Variants in PIGK observed in about 807,000 individuals in gnomAD.
PIGK encodes GPI-anchor transamidase.
Under a neutral mutation model 50.6 loss-of-function variants are expected in PIGK, and 42 were observed. The observed-to-expected ratio is 0.83, with a 90% CI of 0.65 to 1.07. The LOEUF is 1.07. PIGK is among the 50% of genes least tolerant of loss of function. The pLI, the probability that PIGK is intolerant of heterozygous loss-of-function variation, is 0.00. For synonymous variants in PIGK, 151 were observed against 156.0 expected (o/e 0.97, Z 0.24); for missense variants, 448 against 488.7 (o/e 0.92, Z 0.78).
chr1:77,216,026 T>C (rs572448355), intron 1 of PIGK, among the ~76,000 whole-genome samples: 3 of 152,282 alleles, frequency 2.0e-5, no homozygotes, highest in Admixed American at 1.3e-4. Context: ...TATAGCACTT[T>C]AGAGTAACTA....
chr1:77,162,610 C>T (rs1655153702), intron 6 of PIGK, among the ~76,000 whole-genome samples: 2 of 152,076 alleles, frequency 1.3e-5, no homozygotes, highest in South Asian at 4.1e-4. Context: ...GTATCCATTG[C>T]ACAATAAGCT....
At chr1:77,110,377 A>C (rs1003777231) in intron 10 of PIGK, among the ~76,000 whole-genome samples, 3 of 152,264 alleles carry the variant, frequency 2.0e-5, no homozygotes, top group East Asian at 1.9e-4. Flanking sequence ...AGGCTACAGT[A>C]ACCAAAACAG....
chr1:77,153,503 A>T (rs1420662117), intron 9 of PIGK: 1 of 152,184 alleles, frequency 6.6e-6, no homozygotes, highest in Non-Finnish European at 1.5e-5. Flanking sequence ...TAATGTACCC[A>T]ACACAAAGAA....
At chr1:77,132,477 A>G (rs1010780773) in intron 9 of PIGK, among the ~76,000 whole-genome samples, 3 of 152,016 alleles carry the variant, frequency 2.0e-5, no homozygotes, top group South Asian at 2.1e-4. Context: ...CATTTCTTCA[A>G]TAATAGTAGT....
chr1:77,121,416 A>G (rs1422452364), intron 10 of PIGK, among the ~76,000 whole-genome samples: 3 of 152,190 alleles, frequency 2.0e-5, no homozygotes, highest in Non-Finnish European at 4.4e-5. Context: ...TATAGCCAAC[A>G]TTTTAAAGTA....
At chr1:77,135,809 A>C (rs576059568) in intron 9 of PIGK, among the ~76,000 whole-genome samples, 3 of 151,712 alleles carry the variant, frequency 2.0e-5, no homozygotes, top group African/African-American at 7.2e-5. Flanking sequence ...AAAAAAGCTG[A>C]AACTCCAGAA....
At position 77,171,129 on chromosome 1, in the gene PIGK, A is replaced by G. The variant is rs183962930; in HGVS notation, c.240-1734T>C. 1.1e-4 allele frequency among the ~76,000 whole-genome samples: 17 copies of G among 152,250 alleles called. No homozygotes were observed. The East Asian group carries it at 3.3e-3, about 29-fold the overall frequency. On this transcript the variant is annotated intron_variant, in intron 3 of 10. Coordinates refer to ENST00000370812, the MANE Select transcript of PIGK (RefSeq NM_005482.3). ...TAAACAAGACTGAATTGACCTCCAA[A>G]TGGCAATATAAAAATGAATATTTCT...
At chr1:77,194,843 T>C (rs1475507452) in intron 3 of PIGK, 4 of 387,238 alleles carry the variant, frequency 1.0e-5, no homozygotes, top group South Asian at 8.4e-5. Context: ...ATCAAGATTC[T>C]GGGCACTGAG....
intron 3 of PIGK, among the ~76,000 whole-genome samples, chr1:77,192,134 C>CAA (rs563797637): frequency 7.4e-6 from 1 of 134,420 alleles, no homozygotes. Flanking sequence ...GACCCTGTCT[C>CAA]AAAAAAAAAA....
chr1:77,166,669 CAA>C (rs765986553), intron 5 of PIGK, 48 bp downstream of exon 5: 2 of 887,310 alleles, frequency 2.3e-6, no homozygotes, highest in South Asian at 1.7e-5. Flanking sequence ...CCTTTCTTTT[CAA>C]AGAGTTTCAA....
chr1:77,137,689 C>T lies in PIGK; in HGVS notation c.987-15330G>A, dbSNP rs543889450. Among the ~76,000 whole-genome samples the T allele has an allele frequency of 5.7e-4, 87 of 152,180 alleles. 1 individual carries two copies. The highest frequency in any genetic ancestry group is 7.7e-4 in the African/African-American group (32 of 41,518). On this transcript the variant is annotated intron_variant, in intron 9 of 10. Coordinates refer to ENST00000370812, the MANE Select transcript of PIGK (RefSeq NM_005482.3). ...TCTTGGTTTGGCTCACTGCAACCTC[C>T]GCCTCCTGGATTCCAGCAATCCTCC...
intron 1 of PIGK, among the ~76,000 whole-genome samples, chr1:77,213,790 C>T (rs1011786047): frequency 2.6e-5 from 4 of 152,122 alleles, no homozygotes; most frequent in Admixed American, 1.3e-4. Flanking sequence ...ATCAACAAAC[C>T]TTTAGCCAAA....
chr1:77,139,632 C>T (rs1337134607), intron 9 of PIGK, among the ~76,000 whole-genome samples: 1 of 152,152 alleles, frequency 6.6e-6, no homozygotes, highest in African/African-American at 2.4e-5. Flanking sequence ...TAGTCCTTAC[C>T]ACTGAATGAG....
At chr1:77,213,452 C>T (rs1290648881) in intron 1 of PIGK, among the ~76,000 whole-genome samples, 5 of 152,050 alleles carry the variant, frequency 3.3e-5, no homozygotes, top group African/African-American at 9.7e-5. Context: ...TTAAACAACA[C>T]GCTCCTGAAC....
intron 3 of PIGK, among the ~76,000 whole-genome samples, chr1:77,185,107 T>C (rs1471348743): frequency 6.6e-6 from 1 of 152,218 alleles, no homozygotes; most frequent in Non-Finnish European, 1.5e-5. Flanking sequence ...CATCTCCTGG[T>C]ACCTGGTATG....
Position 77,161,361 on chromosome 1 carries a change from G to A in PIGK, c.747C>T (p.Tyr249=). 1 of 1,606,478 alleles carries A rather than the reference G, an allele frequency of 6.2e-7. No individual in the cohort carries two copies. The highest frequency in any genetic ancestry group is 8.5e-7 in the Non-Finnish European group (1 of 1,173,250). The stretch of plus-strand genomic sequence containing the variant: ...CCAAAAATTCCAAGACATAAAATGT[G>A]TATCTATCCATAAGATGGACTCCAA... ...PAIGVHLMDR[Y]TFYVLEFLEE... The change falls in exon 8 of 11, where the codon TAC becomes TAT. Residue 249 remains tyrosine, a synonymous_variant. Coordinates refer to ENST00000370812, the MANE Select transcript of PIGK (RefSeq NM_005482.3).
intron 9 of PIGK, among the ~76,000 whole-genome samples, chr1:77,142,164 TG>T (rs1243556734): frequency 1.3e-5 from 2 of 152,168 alleles, no homozygotes; most frequent in African/African-American, 4.8e-5. Context: ...TCAGCTACAC[TG>T]GTAAGTATGG....
chr1:77,195,636 T>C (rs1656016619), intron 3 of PIGK, among the ~76,000 whole-genome samples: 2 of 152,142 alleles, frequency 1.3e-5, no homozygotes, highest in African/African-American at 4.8e-5. Flanking sequence ...ATGTGACTAG[T>C]TATTCTGCAA....
At chr1:77,178,485 A>G (rs373268908) in intron 3 of PIGK, among the ~76,000 whole-genome samples, 1 of 152,246 alleles carries the variant, frequency 6.6e-6, no homozygotes, top group Non-Finnish European at 1.5e-5. Context: ...GGCTACACAG[A>G]AAAGTATCTC....
Sources: allele counts gnomAD v4.1 joint callset (sites outside exome capture counted in the v4.1 genomes callset), GRCh38; gene constraint gnomAD v4.1.1; transcripts MANE v1.5; gene names NCBI Gene and HGNC (gene_info 2026-07-23, HGNC 2026-07-21).